The following AKNAD1 variants were observed in gnomAD, a reference collection of about 807,000 sequenced individuals.
AKNAD1 encodes protein AKNAD1.
Under a neutral mutation model 90.8 loss-of-function variants are expected in AKNAD1, and 67 were observed. The observed-to-expected ratio is 0.74, with a 90% confidence interval of 0.61 to 0.90. The LOEUF (loss-of-function observed/expected upper bound fraction) is 0.90. Among genes scored for constraint, AKNAD1 ranks in the 40% least tolerant of loss-of-function variants. The pLI is 0.00. For synonymous variants in AKNAD1, 327 were observed against 341.4 expected (o/e 0.96, Z 0.46); for missense variants, 957 against 975.4 (o/e 0.98, Z 0.25).
In AKNAD1 at chr1:108,851,993, T is replaced by G; in HGVS notation, c.672A>C (p.Lys224Asn). Residue 224 changes from lysine to asparagine, a missense_variant, in exon 2 of 16, where the codon AAA becomes AAC. Transcript: ENST00000370001. The stretch of plus-strand genomic sequence containing the variant: ...GTGACTGCCCTTGATAACTTTTTTG[T>G]TTATCACCTGGACCCTTGGTTTTAG... ...VLTKTKGPGDKQKSYQGQSPQ... is the reference protein window; with the variant it reads ...VLTKTKGPGDNQKSYQGQSPQ... The G allele has an allele frequency of 6.2e-7, 1 of 1,614,164 alleles. No homozygotes were observed. The highest frequency in any genetic ancestry group is 8.5e-7 in the Non-Finnish European group (1 of 1,180,036).
At chr1:108,856,078 C>G (rs1665029422) in intron 1 of AKNAD1, among the ~76,000 whole-genome samples, 3 of 151,834 alleles carry the variant, frequency 2.0e-5, no homozygotes, top group African/African-American at 7.2e-5. Flanking sequence ...GTCTCGAACT[C>G]CTGAGCACAA....
chr1:108,844,717 C>A (rs186323232), intron 5 of AKNAD1, among the ~76,000 whole-genome samples: 27 of 152,178 alleles, frequency 1.8e-4, no homozygotes, highest in Admixed American at 1.8e-3. Context: ...GTTTCTACAT[C>A]TGTAAAATTA....
At chr1:108,827,553 G>C (rs958680884) in intron 10 of AKNAD1, among the ~76,000 whole-genome samples, 1 of 151,474 alleles carries the variant, frequency 6.6e-6, no homozygotes, top group African/African-American at 2.4e-5. Context: ...GGTGGCTCAC[G>C]CCTGTAATCC....
At chr1:108,856,745 A>ACACACACACACGCACACAC (rs1400694001) in intron 1 of AKNAD1, among the ~76,000 whole-genome samples, 184 bp downstream of exon 1, 2 of 151,078 alleles carry the variant, frequency 1.3e-5, no homozygotes, top group Non-Finnish European at 3.0e-5. Flanking sequence ...CACACACACA[A>ACACACACACACGCACACAC]ACACACACAC....
At chr1:108,855,390 C>T (rs895851167) in intron 1 of AKNAD1, among the ~76,000 whole-genome samples, 1 of 148,144 alleles carries the variant, frequency 6.8e-6, no homozygotes, top group African/African-American at 2.5e-5. Flanking sequence ...TCCAGCCTGG[C>T]GATAGAGTGA....
intron 5 of AKNAD1, 77 bp from the exon 6 acceptor site, chr1:108,843,344 G>C: frequency 6.4e-7 from 1 of 1,565,434 alleles, no homozygotes; most frequent in Non-Finnish European, 8.7e-7. Flanking sequence ...CACAAAGCAG[G>C]TGTACCCTAC....
At position 108,851,063 on chromosome 1, in the gene AKNAD1, C is replaced by G. The variant is rs535169977; in HGVS notation, c.993+609G>C. Among the ~76,000 whole-genome samples, 15 of 152,310 alleles carry G rather than the reference C, an allele frequency of 9.8e-5. No homozygotes were observed. In the East Asian group the frequency reaches 2.7e-3, roughly 27 times the overall value. ...CATAACGTACGTTAAGACACGAGGC[C>G]AGGCCTCTGGGGGAAATTAGGCAAT... On this transcript the variant is annotated intron_variant, in intron 2 of 15. Transcript: ENST00000370001.
intron 14 of AKNAD1, among the ~76,000 whole-genome samples, chr1:108,819,326 T>G (rs2101155701): frequency 6.6e-6 from 1 of 152,124 alleles, no homozygotes; most frequent in East Asian, 1.9e-4. Flanking sequence ...ATTAAAAAAC[T>G]TAATTGGGTG....
At chr1:108,849,958 A>G (rs1216750736) in intron 2 of AKNAD1, among the ~76,000 whole-genome samples, 2 of 152,228 alleles carry the variant, frequency 1.3e-5, no homozygotes, top group East Asian at 3.8e-4. Flanking sequence ...CATTTCTCCT[A>G]AAACTAGACT....
intron 10 of AKNAD1, among the ~76,000 whole-genome samples, chr1:108,829,041 A>T (rs1283845543): frequency 1.3e-5 from 2 of 151,896 alleles, no homozygotes; most frequent in Non-Finnish European, 2.9e-5. Context: ...AAATATCCTG[A>T]AAACAGTATG....
chr1:108,852,569 G>A lies in AKNAD1; in HGVS notation c.96C>T (p.Tyr32=). Residue 32 remains tyrosine, a synonymous_variant, in exon 2 of 16, where the codon TAC becomes TAT. Transcript: ENST00000370001. ...DLSQIKIGND[Y]SFTSKKDGLE... ...GGCCATCCTTTTTTGAGGTAAAACT[G>A]TAATCATTGCCTATCTTAATCTGAG... 6.2e-7 allele frequency: 1 copy of A among 1,613,882 alleles called. No homozygotes were observed. The highest frequency in any genetic ancestry group is 8.5e-7 in the Non-Finnish European group (1 of 1,179,914).
rs574267198 is a variant in AKNAD1 at position 108,834,808 on chromosome 1, G to A, written c.1664+121C>T. The A allele has an allele frequency of 2.1e-4, 309 of 1,440,868 alleles. 4 individuals carry two copies. The South Asian group carries it at 3.9e-3, about 18-fold the overall frequency. The allele number at this position is 1,440,868 out of a possible 1,614,324, so 89.3% of individuals were successfully genotyped here. The stretch of plus-strand genomic sequence containing the variant: ...GTGAGGAGCCAGGCTACCAGGCTTT[G>A]TAACTCGTGGTCCAAGACTGCTTTT... On this transcript the variant is annotated intron_variant, in intron 8 of 15. Coordinates refer to ENST00000370001, the MANE Select transcript of AKNAD1 (RefSeq NM_152763.5).
rs1664604373 is a variant in AKNAD1, at chr1:108,843,216, C to T, written c.1297G>A (p.Ala433Thr). 6.2e-7 allele frequency: 1 copy of T among 1,614,180 alleles called. No homozygotes were observed. Among genetic ancestry groups the T allele is most frequent in the Non-Finnish European group, 8.5e-7 (1 of 1,180,034 alleles). Reference protein sequence around the residue: ...HLELLEQNFLATKDKHLTLQQ... With the variant: ...HLELLEQNFLTTKDKHLTLQQ... ...AAAGTCAGATGCTTGTCCTTGGTGG[C>T]CAGAAAGTTCTGCTCCAGCAGTTCA... Residue 433 changes from alanine to threonine, a missense_variant, in exon 6 of 16, where the codon GCC (alanine) becomes ACC (threonine). By Grantham distance (58) the Ala-to-Thr change is moderately conservative (BLOSUM62 0). Coordinates refer to ENST00000370001, the MANE Select transcript of AKNAD1 (RefSeq NM_152763.5).
intron 1 of AKNAD1, 133 bp from the exon 2 acceptor site, chr1:108,852,900 G>C (rs1664913887): frequency 2.9e-6 from 1 of 344,824 alleles, no homozygotes; most frequent in Admixed American, 4.7e-5. Context: ...TCAACCACAA[G>C]CTGACCCAAC....
chr1:108,827,867 T>C (rs1664061371), intron 10 of AKNAD1, among the ~76,000 whole-genome samples: 1 of 151,450 alleles, frequency 6.6e-6, no homozygotes, highest in Non-Finnish European at 1.5e-5. Context: ...TGTTTTGTTC[T>C]GCCGAGGTTA....
At chr1:108,842,651 A>C (rs1570818738) in intron 6 of AKNAD1, among the ~76,000 whole-genome samples, 3 of 152,244 alleles carry the variant, frequency 2.0e-5, no homozygotes, top group Admixed American at 2.0e-4. Context: ...AGTGAATGGG[A>C]AAGAAAAGGG....
intron 5 of AKNAD1, among the ~76,000 whole-genome samples, chr1:108,847,995 G>A (rs552067887): frequency 8.3e-4 from 127 of 152,336 alleles, no homozygotes; most frequent in African/African-American, 2.9e-3. Flanking sequence ...TAATTAACAG[G>A]ATAAAGGAGA....
At position 108,851,419 on chromosome 1, in the gene AKNAD1, A is replaced by C. The variant is rs542732701; in HGVS notation, c.993+253T>G. Among the ~76,000 whole-genome samples the C allele has an allele frequency of 3.5e-4, 53 of 152,318 alleles. 3 individuals carry two copies. Among genetic ancestry groups the C allele is most frequent in the Admixed American group, 3.1e-3 (47 of 15,304 alleles). On this transcript the variant is annotated intron_variant, in intron 2 of 15. Transcript: ENST00000370001. Reference sequence around the variant, plus strand: ...TCCTGAAGGAAGGCAGCTAAGTTTAAGTGAGGAGAGCCAAATTCCGGCTTG... The same window carrying C: ...TCCTGAAGGAAGGCAGCTAAGTTTACGTGAGGAGAGCCAAATTCCGGCTTG...
In AKNAD1 at chr1:108,816,230, T is replaced by G; in HGVS notation, c.2452A>C (p.Lys818Gln). Residue 818 changes from lysine to glutamine, a missense_variant, in exon 16 of 16, where the codon AAA (lysine) becomes CAA (glutamine). Lys to Gln is a moderately conservative substitution (Grantham distance 53). Transcript: ENST00000370001. ...TTAGCAAGGTCTTCTGCAATCGTTT[T>G]AATCATTTGATCTGTAGTTTCTTTC... ...ILKETTDQMIKTIAEDLAKAQ... is the reference protein window; with the variant it reads ...ILKETTDQMIQTIAEDLAKAQ... The G allele has an allele frequency of 6.2e-7, 1 of 1,613,948 alleles. No individual in the cohort carries two copies. The highest frequency in any genetic ancestry group is 8.5e-7 in the Non-Finnish European group (1 of 1,179,930).
Sources: gnomAD v4.1 joint callset for allele counts (sites outside exome capture counted in the v4.1 genomes callset) on GRCh38, gnomAD v4.1.1 for gene constraint, MANE v1.5 for transcripts, NCBI Gene and HGNC (gene_info 2026-07-23, HGNC 2026-07-21) for gene names.